The following SASH1 variants were observed in gnomAD, a reference collection of about 807,000 sequenced individuals.
The protein encoded by SASH1 is SAM and SH3 domain-containing protein 1.
SASH1 carries 44 observed loss-of-function variants against 125.2 expected under a neutral mutation model. The observed-to-expected ratio is 0.35, with a 90% CI of 0.28 to 0.45. The LOEUF is 0.45. Ranked by LOEUF, SASH1 falls within the 20% of genes least tolerant of loss-of-function variation. The pLI is 1.00. For synonymous variants in SASH1, 639 were observed against 649.1 expected (o/e 0.98, Z 0.24); for missense variants, 1,426 against 1,614.5 (o/e 0.88, Z 2.00).
At chr6:148,313,159 G>A (rs1026296644) in intron 1 of SASH1, among the ~76,000 whole-genome samples, 11 of 152,150 alleles carry the variant, frequency 7.2e-5, no homozygotes, top group Non-Finnish European at 1.5e-4. Flanking sequence ...CAGAGACTAG[G>A]AGGGAAGCTT....
At chr6:148,222,092 G>A in the SASH1 span, among the ~76,000 whole-genome samples, 1 of 151,864 alleles carries the variant, frequency 6.6e-6, no homozygotes, top group Non-Finnish European at 1.5e-5. Context: ...CTAACCTATG[G>A]TCTCCCTGGT....
chr6:148,542,580 G>A (rs376339157), intron 17 of SASH1, among the ~76,000 whole-genome samples: 1 of 152,070 alleles, frequency 6.6e-6, no homozygotes. Context: ...TGAGAGACGG[G>A]GTTTCACCGT....
chr6:148,291,413 G>T (rs548106275), intron 1 of SASH1, among the ~76,000 whole-genome samples: 1 of 152,226 alleles, frequency 6.6e-6, no homozygotes, highest in South Asian at 2.1e-4. Flanking sequence ...AGTCACAGTG[G>T]CTCATGCCTG....
rs147171548 is a variant in SASH1 at position 148,503,047 on chromosome 6, C to T, written c.730-11277C>T. Among the ~76,000 whole-genome samples, 244 of 152,326 alleles carry T rather than the reference C, an allele frequency of 1.6e-3. 3 individuals are homozygous for T. The highest frequency in any genetic ancestry group is 5.5e-3 in the African/African-American group (228 of 41,562). ...TTATAAACCCAGGGAATGCTGGCTTCCTCCTATTGCTATTCCTTGCCTTTC... is the reference window on the plus strand; with the variant it reads ...TTATAAACCCAGGGAATGCTGGCTTTCTCCTATTGCTATTCCTTGCCTTTC... On this transcript the variant is annotated intron_variant, in intron 8 of 19. Coordinates refer to ENST00000367467, the MANE Select transcript of SASH1 (RefSeq NM_015278.5).
chr6:148,538,153 T>C (rs762460661), intron 16 of SASH1, among the ~76,000 whole-genome samples: 1 of 152,144 alleles, frequency 6.6e-6, no homozygotes, highest in Non-Finnish European at 1.5e-5. Flanking sequence ...GGTGACACAA[T>C]GGATCCCCTC....
intron 1 of SASH1, among the ~76,000 whole-genome samples, chr6:148,284,638 T>G (rs1285862341): frequency 6.6e-6 from 1 of 152,224 alleles, no homozygotes; most frequent in African/African-American, 2.4e-5. Flanking sequence ...CTTAAAATAT[T>G]ATCAAATGAA....
intron 7 of SASH1, among the ~76,000 whole-genome samples, chr6:148,482,202 A>G (rs1182906517): frequency 6.6e-6 from 1 of 152,254 alleles, no homozygotes; most frequent in Non-Finnish European, 1.5e-5. Flanking sequence ...TATTGGAATG[A>G]TAATACTCAG....
the SASH1 span, among the ~76,000 whole-genome samples, chr6:148,220,379 G>A: frequency 6.6e-6 from 1 of 152,162 alleles, no homozygotes; most frequent in African/African-American, 2.4e-5. Context: ...CGTCTTGTAA[G>A]GCACTAATCC....
upstream of SASH1, among the ~76,000 whole-genome samples, chr6:148,342,414 T>C (rs1463835919): frequency 1.3e-5 from 2 of 152,162 alleles, no homozygotes; most frequent in Non-Finnish European, 2.9e-5. Context: ...TTTCCGTGAA[T>C]AGCGTGATTG....
chr6:148,319,022 C>CTTTTTTTTTTTTTTT lies in SASH1; in HGVS notation n.74+46659_74+46673dup, dbSNP rs10695657. On this transcript the variant is annotated intron_variant and non_coding_transcript_variant, in intron 1 of 3. Transcript: ENST00000367469. ...ATATGGAAGAAGCCGCATTTATCTT[C>CTTTTTTTTTTTTTTT]TTTTTTTTTTTTTTTTTTTTTTTTT... 4.9e-4 allele frequency among the ~76,000 whole-genome samples: 33 copies of CTTTTTTTTTTTTTTT among 66,686 alleles called. 9 individuals carry two copies. The highest frequency in any genetic ancestry group is 1.1e-3 in the Admixed American group (5 of 4,584). The allele number at this position is 66,686 out of a possible 152,430, so 43.7% of individuals were successfully genotyped here. A position where few individuals can be genotyped will look rare whatever the true frequency, so the allele number is the denominator to read the frequency against.
intron 1 of SASH1, among the ~76,000 whole-genome samples, chr6:148,300,593 C>A (rs1329190967): frequency 6.6e-6 from 1 of 151,978 alleles, no homozygotes; most frequent in Non-Finnish European, 1.5e-5. Flanking sequence ...GAATTACAGG[C>A]ATGAGTAATC....
At chr6:148,398,140 C>T (rs763829976) in intron 2 of SASH1, among the ~76,000 whole-genome samples, 5 of 152,176 alleles carry the variant, frequency 3.3e-5, no homozygotes, top group South Asian at 2.1e-4. Flanking sequence ...ATGGTATAAA[C>T]GATGTGAGGG....
intron 16 of SASH1, among the ~76,000 whole-genome samples, chr6:148,536,584 C>T (rs1311648248): frequency 6.6e-6 from 1 of 152,226 alleles, no homozygotes; most frequent in East Asian, 1.9e-4. Context: ...AGGTGATCCG[C>T]CCACCTCGGC....
At chr6:148,334,259 C>T (rs1781083054) in intron 1 of SASH1, among the ~76,000 whole-genome samples, 2 of 143,190 alleles carry the variant, frequency 1.4e-5, no homozygotes, top group South Asian at 4.5e-4. Context: ...CCTGTCTCTA[C>T]TAAAAATACA....
intron 1 of SASH1, among the ~76,000 whole-genome samples, chr6:148,358,783 TGGA>T (rs1782060971): frequency 7.2e-6 from 1 of 138,396 alleles, no homozygotes; most frequent in Non-Finnish European, 1.5e-5. Flanking sequence ...TCACCGAGGC[TGGA>T]GTGCAGTGGC....
chr6:148,393,606 T>G, intron 2 of SASH1: 2 of 700,778 alleles, frequency 2.9e-6, no homozygotes, highest in Non-Finnish European at 3.5e-6. Flanking sequence ...ATCGGTGGGA[T>G]TTAGATTATT....
the SASH1 span, among the ~76,000 whole-genome samples, chr6:148,251,330 T>C: frequency 6.6e-6 from 1 of 152,266 alleles, no homozygotes; most frequent in Middle Eastern, 3.4e-3. Context: ...CCAATCAGAA[T>C]TTTTTTCATT....
intron 8 of SASH1, among the ~76,000 whole-genome samples, chr6:148,511,567 G>A (rs1780141494): frequency 1.3e-5 from 2 of 152,092 alleles, no homozygotes; most frequent in South Asian, 4.1e-4. Context: ...AAGGTACAAA[G>A]AAGTATAATT....
intron 1 of SASH1, among the ~76,000 whole-genome samples, chr6:148,274,353 A>G (rs2128503421): frequency 6.6e-6 from 1 of 152,338 alleles, no homozygotes; most frequent in East Asian, 1.9e-4. Context: ...CCTAGTTGGC[A>G]GGTAATGTTT....
Sources: allele counts gnomAD v4.1 joint callset (sites outside exome capture counted in the v4.1 genomes callset), GRCh38; gene constraint gnomAD v4.1.1; transcripts MANE v1.5; gene names NCBI Gene and HGNC (gene_info 2026-07-23, HGNC 2026-07-21).